The following TNRC6A variants were observed in gnomAD, a reference collection of about 807,000 sequenced individuals.
TNRC6A encodes trinucleotide repeat containing adaptor 6A.
In TNRC6A, 44 loss-of-function variants were observed where a neutral mutation model predicts 221.2. That is an observed-to-expected ratio of 0.20 (90% CI 0.16 to 0.26). The LOEUF (loss-of-function observed/expected upper bound fraction) is 0.26. Ranked by LOEUF, TNRC6A falls within the 10% of genes least tolerant of loss-of-function variation. The pLI is 1.00. For missense variants in TNRC6A, 2,199 were observed against 2,404.4 expected, an observed-to-expected ratio of 0.91 and a Z score of 1.79; for synonymous variants, 847 against 838.5, an observed-to-expected ratio of 1.01 and a Z score of -0.18.
chr16:24,778,189 A>C, intron 5 of TNRC6A: 1 of 564,536 alleles, frequency 1.8e-6, no homozygotes. Flanking sequence ...CCCATATCCC[A>C]GTGTGTGTGA....
intron 19 of TNRC6A, chr16:24,816,290 C>T (rs1219280589): frequency 6.8e-6 from 1 of 148,088 alleles, no homozygotes; most frequent in African/African-American, 2.5e-5. Flanking sequence ...GATCATGCCA[C>T]TGCACTCCAG....
At chr16:24,626,980 A>G (rs1596553699) in intron 1 of TNRC6A, among the ~76,000 whole-genome samples, 1 of 148,976 alleles carries the variant, frequency 6.7e-6, no homozygotes, top group Non-Finnish European at 1.5e-5. Context: ...TTAATCTACA[A>G]ATTCCTTTCT....
At chr16:24,630,625 A>G (rs979262823) in intron 1 of TNRC6A, among the ~76,000 whole-genome samples, 2 of 151,998 alleles carry the variant, frequency 1.3e-5, no homozygotes, top group Non-Finnish European at 2.9e-5. Context: ...CTTCCCTCCC[A>G]CCTCACGTCC....
intron 1 of TNRC6A, among the ~76,000 whole-genome samples, chr16:24,639,352 G>T (rs111967567): frequency 0.019 from 2,836 of 152,068 alleles, 73 homozygotes; most frequent in African/African-American, 0.059. Flanking sequence ...AATTAGCCAG[G>T]CATAGTGGCA....
intron 2 of TNRC6A, among the ~76,000 whole-genome samples, chr16:24,709,352 T>G (rs2056160260): frequency 6.6e-6 from 1 of 152,206 alleles, no homozygotes; most frequent in Admixed American, 6.5e-5. Context: ...ATTAAATGGT[T>G]GATCTACTTT....
chr16:24,611,895 C>A (rs1007807577), intron 1 of TNRC6A, among the ~76,000 whole-genome samples: 1 of 151,940 alleles, frequency 6.6e-6, no homozygotes, highest in African/African-American at 2.4e-5. Context: ...GAGTTCGAGA[C>A]CAGCCTGGCC....
chr16:24,812,723 C>G (rs960738727), intron 18 of TNRC6A, among the ~76,000 whole-genome samples: 1 of 152,082 alleles, frequency 6.6e-6, no homozygotes, highest in Non-Finnish European at 1.5e-5. Context: ...TGTAAGGGCA[C>G]TCTGATGTTC....
intron 2 of TNRC6A, among the ~76,000 whole-genome samples, chr16:24,681,305 G>C (rs2055529155): frequency 6.6e-6 from 1 of 152,098 alleles, no homozygotes; most frequent in South Asian, 2.1e-4. Context: ...TCGGCTCACT[G>C]CAGCCTACAC....
At chr16:24,702,325 A>C (rs951020992) in intron 2 of TNRC6A, among the ~76,000 whole-genome samples, 1 of 151,522 alleles carries the variant, frequency 6.6e-6, no homozygotes, top group Non-Finnish European at 1.5e-5. Flanking sequence ...CTTCAGGCAC[A>C]TGCCACCATG....
At position 24,791,015 on chromosome 16, in the gene TNRC6A, G is replaced by T; in HGVS notation, c.2373G>T (p.Arg791Ser). 1 of 1,592,466 alleles carries T rather than the reference G, an allele frequency of 6.3e-7. No homozygotes were observed. The highest frequency in any genetic ancestry group is 2.2e-5 in the East Asian group (1 of 44,766). ...GGGGCGATCCCAAACCTGCTCTGAG[G>T]TGGGGAGATTCCAAAGGCTCAAACT... ...SGWGDPKPAL[R>S]WGDSKGSNCQ... Residue 791 changes from arginine to serine, a missense_variant, in exon 6 of 25, where the codon AGG becomes AGT. Arg to Ser is a moderately radical substitution (Grantham distance 110). Around this residue, in one of 8 missense-constraint regions of TNRC6A, gnomAD observed 1,405 missense variants for 1,400.2 expected, o/e 1.00. Coordinates refer to ENST00000395799, the MANE Select transcript of TNRC6A (RefSeq NM_014494.4).
In TNRC6A at chr16:24,664,412, A is replaced by G. The variant is rs1477508169; in HGVS notation, n.402+23403A>G. 3.4e-5 allele frequency among the ~76,000 whole-genome samples: 5 copies of G among 146,046 alleles called. No individual in the cohort carries two copies. In the Admixed American group the frequency reaches 3.5e-4, roughly 10 times the overall value. ...ATAAATTCATATTATAAATTTATTA[A>G]ATTTATAAATTTAATAAATATGAAT... On this transcript the variant is annotated intron_variant and non_coding_transcript_variant, in intron 2 of 2. Transcript: ENST00000566108.
chr16:24,820,866 C>T (rs1366788394), intron 22 of TNRC6A, among the ~76,000 whole-genome samples: 1 of 152,190 alleles, frequency 6.6e-6, no homozygotes, highest in Non-Finnish European at 1.5e-5. Context: ...TTTGTACTGG[C>T]ATCATTTCCT....
At chr16:24,793,752 T>G in intron 7 of TNRC6A, 103 bp downstream of exon 7, 1 of 967,922 alleles carries the variant, frequency 1.0e-6, no homozygotes, top group Non-Finnish European at 1.4e-6. Context: ...TTATAATATA[T>G]TCATATAATG....
rs1198073999 is a variant in TNRC6A, at chr16:24,794,811, G to A, written c.3528+92G>A. 2.9e-5 allele frequency: 38 copies of A among 1,297,802 alleles called. No homozygotes were observed. In the South Asian group the frequency reaches 3.2e-4, roughly 11 times the overall value. The allele number at this position is 1,297,802 out of a possible 1,614,324, so 80.4% of individuals were successfully genotyped here. On this transcript the variant is annotated intron_variant, in intron 8 of 24. Coordinates refer to ENST00000395799, the MANE Select transcript of TNRC6A (RefSeq NM_014494.4). ...AACTTTTCGCCTGCCCATTTCTGGC[G>A]GTCAGTACAGTCCAGGCAGCCCCCA... is the stretch of plus-strand genomic sequence containing the variant.
At chr16:24,765,991 T>G (rs1363886604) in intron 4 of TNRC6A, among the ~76,000 whole-genome samples, 1 of 152,238 alleles carries the variant, frequency 6.6e-6, no homozygotes, top group East Asian at 1.9e-4. Context: ...TTATTAAATT[T>G]GGTAGAAATT....
intron 2 of TNRC6A, among the ~76,000 whole-genome samples, chr16:24,677,143 T>C (rs896653711): frequency 5.9e-5 from 9 of 151,574 alleles, no homozygotes; most frequent in African/African-American, 2.2e-4. Context: ...ATCTATTTCC[T>C]GTCCCGTTTC....
At chr16:24,641,633 C>T (rs190292027) in intron 2 of TNRC6A, among the ~76,000 whole-genome samples, 7 of 152,246 alleles carry the variant, frequency 4.6e-5, no homozygotes, top group African/African-American at 1.4e-4. Context: ...TGTTCTTAAG[C>T]CCAGTATTGA....
At chr16:24,821,238 C>G (rs2058759905) in intron 22 of TNRC6A, among the ~76,000 whole-genome samples, 1 of 152,168 alleles carries the variant, frequency 6.6e-6, no homozygotes, top group African/African-American at 2.4e-5. Context: ...CCGCAGACAT[C>G]TGTCTGGATG....
rs1316582433 is a variant in TNRC6A, at chr16:24,797,986, G to GT, written c.3694+23dup. Reference sequence around the variant, plus strand: ...CTGGAGGTAAGAGAAAATTAAATCTGTTTATATTCCTCATTGAGGGACACG... The same window carrying GT: ...CTGGAGGTAAGAGAAAATTAAATCTGTTTTATATTCCTCATTGAGGGACACG... On this transcript the variant is annotated intron_variant, in intron 11 of 24. Transcript: ENST00000395799. The GT allele has an allele frequency of 6.2e-7, 1 of 1,601,442 alleles. No homozygotes were observed.
Sources: gnomAD v4.1 joint callset for allele counts (sites outside exome capture counted in the v4.1 genomes callset) on GRCh38, gnomAD v4.1.1 for gene constraint, gnomAD v4.1.1 regional missense constraint, MANE v1.5 for transcripts, NCBI Gene and HGNC (gene_info 2026-07-23, HGNC 2026-07-21) for gene names.